Variants in CROCC2 observed in about 807,000 individuals in gnomAD.
The protein encoded by CROCC2 is ciliary rootlet coiled-coil, rootletin family member 2, also known as ciliary rootlet coiled-coil protein 2.
CROCC2 carries 163 observed loss-of-function variants against 177.6 expected under a neutral mutation model. That is an observed-to-expected ratio of 0.92 (90% confidence interval 0.81 to 1.05). The LOEUF is 1.05. Among genes scored for constraint, CROCC2 ranks in the 50% least tolerant of loss-of-function variants. The pLI, the probability that CROCC2 is intolerant of heterozygous loss-of-function variation, is 0.00. For synonymous variants in CROCC2, 904 were observed against 787.3 expected (o/e 1.15, Z -2.48); for missense variants, 1,929 against 1,797.8 (o/e 1.07, Z -1.32).
intron 12 of CROCC2, 137 bp from the exon 13 acceptor site, chr2:240,934,779 G>A: frequency 1.0e-6 from 1 of 972,606 alleles, no homozygotes; most frequent in Non-Finnish European, 1.4e-6. Context: ...TCCCCACTGT[G>A]GCGACCTTCC....
intron 20 of CROCC2, among the ~76,000 whole-genome samples, chr2:240,962,553 C>T (rs957140070): frequency 2.6e-5 from 4 of 152,192 alleles, no homozygotes; most frequent in South Asian, 4.1e-4. Flanking sequence ...CAGCGGCAGC[C>T]TCGGGAGCCA....
rs1401166209 is a variant in CROCC2 at position 240,918,373 on chromosome 2, A to G, written c.79-353A>G. Among the ~76,000 whole-genome samples the G allele has an allele frequency of 6.6e-6, 1 of 152,110 alleles. No individual in the cohort carries two copies. The highest frequency in any genetic ancestry group is 1.5e-5 in the Non-Finnish European group (1 of 68,002). ...GGATGTTGGGTTTCTTGTGGAGCAG[A>G]GGCAAAGGAACCTGCCTGTCAGCAT... is the stretch of plus-strand genomic sequence containing the variant. On this transcript the variant is annotated intron_variant, in intron 1 of 31. Transcript: ENST00000690015. The surrounding 1 kb of genome is among the most constrained non-coding windows in gnomAD (Gnocchi z 6.3).
intron 18 of CROCC2, among the ~76,000 whole-genome samples, chr2:240,952,368 A>T (rs558935354): frequency 6.6e-6 from 1 of 151,896 alleles, no homozygotes; most frequent in African/African-American, 2.4e-5. Context: ...AGTAGCCGAA[A>T]TAGCCAAGAT....
rs903260660 is a variant in CROCC2 at position 240,918,842 on chromosome 2, C to A, written c.195C>A (p.Ile65=). 23 of 654,726 alleles carry A rather than the reference C, an allele frequency of 3.5e-5. No homozygotes were observed. The Admixed American group carries it at 5.2e-4, about 15-fold the overall frequency. The allele number at this position is 654,726 out of a possible 1,614,324, so 40.6% of individuals were successfully genotyped here. The change falls in exon 2 of 32, where the codon ATC becomes ATA. Residue 65 remains isoleucine, a synonymous_variant. Transcript: ENST00000690015. The surrounding 1 kb of genome is among the most constrained non-coding windows in gnomAD (Gnocchi z 6.3). ...PTPVPTRIRE[I]VAGSLSEEPP... ...CCGTGCCCACCCGCATCCGTGAGAT[C>A]GTGGCCGGCAGCCTGAGTGAGGAGC...
At chr2:240,983,439 C>A in intron 28 of CROCC2, 1 of 1,267,728 alleles carries the variant, frequency 7.9e-7, no homozygotes, top group South Asian at 1.3e-5. Context: ...CTCTGCAGGC[C>A]GCAGAGGCTC....
intron 5 of CROCC2, among the ~76,000 whole-genome samples, chr2:240,928,494 A>G (rs1042973335): frequency 9.9e-5 from 15 of 151,220 alleles, no homozygotes; most frequent in Admixed American, 8.6e-4. Flanking sequence ...CTGTGACTTC[A>G]CCAACTCCTG....
chr2:240,964,912 G>T (rs62186599), intron 22 of CROCC2, among the ~76,000 whole-genome samples: 2 of 152,024 alleles, frequency 1.3e-5, no homozygotes, highest in African/African-American at 2.4e-5. Flanking sequence ...AACACCTTCC[G>T]GCATGCACAG....
chr2:240,943,994 T>C (rs1347564672), intron 14 of CROCC2, among the ~76,000 whole-genome samples: 5 of 152,226 alleles, frequency 3.3e-5, no homozygotes, highest in Non-Finnish European at 5.9e-5. Flanking sequence ...CTTTTCTAGT[T>C]GCTTTAGATG....
intron 19 of CROCC2, chr2:240,957,850 C>T (rs1326363442): frequency 2.3e-6 from 1 of 434,824 alleles, no homozygotes; most frequent in Non-Finnish European, 3.1e-6. Flanking sequence ...TGACCATGCC[C>T]CTCCCTCCTC....
intron 29 of CROCC2, 96 bp downstream of exon 29, chr2:240,988,966 T>C: frequency 1.6e-6 from 2 of 1,243,998 alleles, no homozygotes; most frequent in Non-Finnish European, 2.1e-6. Flanking sequence ...GTGGCTGGTG[T>C]ACCTCCATCT....
Position 240,918,798 on chromosome 2 carries a change from C to G in CROCC2, c.151C>G (p.Arg51Gly). The change falls in exon 2 of 32, where the codon CGG (arginine) becomes GGG (glycine). Residue 51 changes from arginine (R) to glycine (G), a missense_variant. Arg to Gly is a moderately radical substitution (Grantham distance 125, BLOSUM62 -2). Around this residue, in one of 3 missense-constraint regions of CROCC2, gnomAD observed 1,397 missense variants for 1,239.9 expected, o/e 1.13. Transcript: ENST00000690015. The surrounding 1 kb of genome is among the most constrained non-coding windows in gnomAD (Gnocchi z 6.3). ...GGCGCTGACCGTGCGTGGGGAAGGC[C>G]GGCAGGCCTCGCCCACCCCCGTGCC... is the stretch of plus-strand genomic sequence containing the variant. Reference protein sequence around the residue: ...DRALTVRGEGRQASPTPVPTR... With the variant: ...DRALTVRGEGGQASPTPVPTR... 1.7e-6 allele frequency: 1 copy of G among 603,470 alleles called. No individual in the cohort carries two copies. Among genetic ancestry groups the G allele is most frequent in the Non-Finnish European group, 3.0e-6 (1 of 331,660 alleles). The allele number at this position is 603,470 out of a possible 1,614,324, so 37.4% of individuals were successfully genotyped here.
At position 240,949,690 on chromosome 2, in the gene CROCC2, C is replaced by A; in HGVS notation, c.2640C>A (p.Leu880=). The A allele has an allele frequency of 6.5e-7, 1 of 1,543,456 alleles. No individual in the cohort carries two copies. The highest frequency in any genetic ancestry group is 8.7e-7 in the Non-Finnish European group (1 of 1,142,860). ...ALAHREALAQ[L]QREKETLSLT... ...CCCACCGAGAGGCCCTGGCACAGCT[C>A]CAAAGGGAGAAGGTCTGCTTCCCAG... Residue 880 remains leucine, a synonymous_variant, in exon 17 of 32, where the codon CTC becomes CTA. Transcript: ENST00000690015. The surrounding 1 kb of genome is among the most constrained non-coding windows in gnomAD (Gnocchi z 4.5).
chr2:240,927,147 G>C (rs1385080986), intron 5 of CROCC2, among the ~76,000 whole-genome samples: 1 of 152,176 alleles, frequency 6.6e-6, no homozygotes, highest in African/African-American at 2.4e-5. Context: ...CTGCTGTTGA[G>C]AAGTCAGCTT....
intron 27 of CROCC2, among the ~76,000 whole-genome samples, chr2:240,974,826 C>A (rs1344213660): frequency 6.6e-6 from 1 of 152,100 alleles, no homozygotes; most frequent in African/African-American, 2.4e-5. Flanking sequence ...GATGTGAGTT[C>A]TTTTCCTTTT....
At chr2:240,954,063 G>A (rs561365631) in intron 18 of CROCC2, among the ~76,000 whole-genome samples, 2 of 152,260 alleles carry the variant, frequency 1.3e-5, no homozygotes, top group South Asian at 2.1e-4. Flanking sequence ...ACAGCCAACC[G>A]GCCTCCAGCC....
rs555601437 is a variant in CROCC2 at position 240,982,776 on chromosome 2, G to A, written c.4402-104G>A. 6.2e-5 allele frequency: 60 copies of A among 974,652 alleles called. No individual in the cohort carries two copies. Among genetic ancestry groups the A allele is most frequent in the Non-Finnish European group, 8.5e-5 (57 of 666,680 alleles). The allele number at this position is 974,652 out of a possible 1,614,324, so 60.4% of individuals were successfully genotyped here. ...CTTGCTGTTTTCATCCCAGCGATAC[G>A]GTCCTGCCAGACGGTCTAGGCAGAT... On this transcript the variant is annotated intron_variant, in intron 27 of 31. Transcript: ENST00000690015. The surrounding 1 kb of genome is among the most constrained non-coding windows in gnomAD (Gnocchi z 4.7).
rs182797173 is a variant in CROCC2, at chr2:240,926,739, C to A, written c.645+859C>A. Among the ~76,000 whole-genome samples the A allele has an allele frequency of 6.5e-3, 997 of 152,382 alleles. 6 individuals carry two copies. The highest frequency in any genetic ancestry group is 0.023 in the African/African-American group (949 of 41,594). On this transcript the variant is annotated intron_variant, in intron 5 of 31. Coordinates refer to ENST00000690015, the MANE Select transcript of CROCC2 (RefSeq NM_001351305.2). ...CCCGAGGTCCCAGCCCCGAGCCCCC[C>A]ACAGCTGCTGCTCCTGAAAGGCAGG...
At chr2:240,948,276 A>G (rs2059534757) in intron 15 of CROCC2, among the ~76,000 whole-genome samples, 1 of 152,040 alleles carries the variant, frequency 6.6e-6, no homozygotes, top group South Asian at 2.1e-4. Flanking sequence ...CGAGCCCCAG[A>G]AGGCTTGGAT....
At chr2:240,975,714 G>C (rs2059756233) in intron 27 of CROCC2, among the ~76,000 whole-genome samples, 1 of 136,352 alleles carries the variant, frequency 7.3e-6, no homozygotes, top group African/African-American at 2.7e-5. Flanking sequence ...CATCCAACCA[G>C]CCTGCTTTTT....
Sources: allele counts gnomAD v4.1 joint callset (sites outside exome capture counted in the v4.1 genomes callset), GRCh38; gene constraint gnomAD v4.1.1; regional missense constraint gnomAD v4.1.1; non-coding constraint Gnocchi (gnomAD v3.1); transcripts MANE v1.5; gene names NCBI Gene and HGNC (gene_info 2026-07-23, HGNC 2026-07-21).